The following CHST9 variants were observed in gnomAD, a reference collection of about 807,000 sequenced individuals.
The protein encoded by CHST9 is GalNAc-4-sulfotransferase 2.
CHST9 carries 41 observed loss-of-function variants against 44.4 expected under a neutral mutation model. The ratio of observed to expected loss-of-function variants is 0.92; its 90% CI spans 0.72 to 1.20. CHST9 has a LOEUF of 1.20. CHST9 is among the 50% of genes most tolerant of loss of function. The pLI is 0.00. For synonymous variants in CHST9, 171 were observed against 178.4 expected, an observed-to-expected ratio of 0.96 and a Z score of 0.33; for missense variants, 504 against 516.5, an observed-to-expected ratio of 0.98 and a Z score of 0.23.
intron 1 of CHST9, among the ~76,000 whole-genome samples, chr18:27,181,168 C>T (rs1004364078): frequency 3.3e-5 from 5 of 152,144 alleles, no homozygotes; most frequent in African/African-American, 1.2e-4. Context: ...GCAGTTCTAA[C>T]CTTCCACACA....
chr18:27,055,669 T>C (rs1028702534), intron 2 of CHST9, among the ~76,000 whole-genome samples: 2 of 152,206 alleles, frequency 1.3e-5, no homozygotes, highest in African/African-American at 2.4e-5. Context: ...AAATTAGTGC[T>C]GTCTTGGGTG....
intron 2 of CHST9, among the ~76,000 whole-genome samples, chr18:27,093,737 T>C (rs1243553026): frequency 6.6e-6 from 1 of 152,180 alleles, no homozygotes; most frequent in Non-Finnish European, 1.5e-5. Flanking sequence ...CAGCTCGCCC[T>C]CCATGGGCTG....
intron 4 of CHST9, among the ~76,000 whole-genome samples, chr18:27,004,018 T>G (rs913877609): frequency 6.6e-6 from 1 of 151,228 alleles, no homozygotes; most frequent in African/African-American, 2.4e-5. Context: ...TGATTTCTTA[T>G]GGAAATAGGA....
intron 3 of CHST9, among the ~76,000 whole-genome samples, chr18:27,033,919 G>T (rs536930178): frequency 6.6e-6 from 1 of 152,136 alleles, no homozygotes; most frequent in Admixed American, 6.5e-5. Context: ...TCAAATCAGG[G>T]GCCTTGGAAT....
chr18:26,952,371 T>C, intron 4 of CHST9: 2 of 474,718 alleles, frequency 4.2e-6, no homozygotes, highest in South Asian at 3.2e-5. Flanking sequence ...AATTGGGACA[T>C]CAACAATTGT....
At chr18:27,067,169 T>C (rs755512137) in intron 2 of CHST9, among the ~76,000 whole-genome samples, 5 of 152,124 alleles carry the variant, frequency 3.3e-5, no homozygotes, top group Admixed American at 6.6e-5. Context: ...TACTAACCTA[T>C]GGGAATGTCA....
chr18:27,016,199 A>G (rs2057152135), intron 4 of CHST9, among the ~76,000 whole-genome samples: 1 of 152,224 alleles, frequency 6.6e-6, no homozygotes, highest in Admixed American at 6.5e-5. Context: ...CTTGGCTTAT[A>G]AGCTGCTGAA....
intron 4 of CHST9, among the ~76,000 whole-genome samples, chr18:26,951,467 ACACAG>A (rs1156517544): frequency 6.6e-6 from 1 of 152,170 alleles, no homozygotes; most frequent in African/African-American, 2.4e-5. Context: ...AAATGCCAAC[ACACAG>A]GAAAAAAGGG....
intron 2 of CHST9, among the ~76,000 whole-genome samples, chr18:27,073,873 C>A (rs1469014623): frequency 6.6e-6 from 1 of 152,014 alleles, no homozygotes; most frequent in Non-Finnish European, 1.5e-5. Flanking sequence ...AAAGTAGCAG[C>A]ATTACATTTT....
chr18:27,116,447 G>A (rs1297521102), intron 2 of CHST9, among the ~76,000 whole-genome samples: 3 of 152,102 alleles, frequency 2.0e-5, no homozygotes, highest in Non-Finnish European at 4.4e-5. Flanking sequence ...GTTGATTTCT[G>A]AGCTCTCAAT....
intron 2 of CHST9, among the ~76,000 whole-genome samples, chr18:27,126,992 TA>T (rs1174105751): frequency 5.9e-5 from 9 of 152,170 alleles, no homozygotes; most frequent in Non-Finnish European, 1.3e-4. Context: ...GGAGGCATCA[TA>T]CATGACAACA....
At chr18:27,087,432 C>T (rs1007553449) in intron 2 of CHST9, among the ~76,000 whole-genome samples, 3 of 152,098 alleles carry the variant, frequency 2.0e-5, no homozygotes, top group African/African-American at 7.2e-5. Flanking sequence ...TCTCTTTGCC[C>T]TTTTGGATGG....
At chr18:27,013,306 T>A (rs1245128012) in intron 4 of CHST9, among the ~76,000 whole-genome samples, 2 of 152,226 alleles carry the variant, frequency 1.3e-5, no homozygotes, top group Admixed American at 1.3e-4. Flanking sequence ...ATACTGTCCA[T>A]TTCAGAGCCC....
At chr18:26,984,456 G>A (rs2056730048) in intron 4 of CHST9, among the ~76,000 whole-genome samples, 1 of 152,042 alleles carries the variant, frequency 6.6e-6, no homozygotes, top group Non-Finnish European at 1.5e-5. Flanking sequence ...CTTGGAGTAG[G>A]CAACAGTTTC....
chr18:27,035,808 T>C lies in CHST9; in HGVS notation c.161-11651A>G, dbSNP rs182578513. On this transcript the variant is annotated intron_variant, in intron 3 of 5. Coordinates refer to ENST00000618847, the MANE Select transcript of CHST9 (RefSeq NM_031422.6). ...AGTTCTAGAGCTCCAATGTAGAGCA[T>C]GGTGACTATAGTTAACCACACTGTA... Among the ~76,000 whole-genome samples the C allele has an allele frequency of 2.0e-5, 3 of 152,248 alleles. No individual in the cohort carries two copies. The East Asian group carries it at 5.8e-4, about 29-fold the overall frequency.
intron 2 of CHST9, among the ~76,000 whole-genome samples, chr18:27,059,635 G>T (rs2057697785): frequency 6.6e-6 from 1 of 152,026 alleles, no homozygotes; most frequent in Admixed American, 6.6e-5. Context: ...ATTTTCATCT[G>T]GGGGAAACAA....
intron 4 of CHST9, among the ~76,000 whole-genome samples, chr18:26,947,240 T>G (rs2056177993): frequency 6.6e-6 from 1 of 152,214 alleles, no homozygotes; most frequent in South Asian, 2.1e-4. Flanking sequence ...TTCACATCCC[T>G]TGTAAGTTGT....
chr18:26,920,225 C>T lies in CHST9; in HGVS notation c.241-2875G>A, dbSNP rs2055622946. Among the ~76,000 whole-genome samples the T allele has an allele frequency of 2.0e-5, 3 of 152,180 alleles. 1 individual carries two copies. The South Asian group carries it at 6.2e-4, about 32-fold the overall frequency. ...TTTACTATTCCCACCATCTTTCTGA[C>T]CACTCTTGTCTCACCTTCCAGTTCA... On this transcript the variant is annotated intron_variant, in intron 5 of 5. Coordinates refer to ENST00000618847, the MANE Select transcript of CHST9 (RefSeq NM_031422.6).
intron 1 of CHST9, among the ~76,000 whole-genome samples, chr18:27,160,951 G>T (rs2058741599): frequency 6.6e-6 from 1 of 152,116 alleles, no homozygotes; most frequent in South Asian, 2.1e-4. Flanking sequence ...GGGATCGGTG[G>T]TGATATCCCC....
Sources: gnomAD v4.1 joint callset for allele counts (sites outside exome capture counted in the v4.1 genomes callset) on GRCh38, gnomAD v4.1.1 for gene constraint, MANE v1.5 for transcripts, NCBI Gene and HGNC (gene_info 2026-07-23, HGNC 2026-07-21) for gene names.